The following TBCA variants were observed in gnomAD, a reference collection of about 807,000 sequenced individuals.
TBCA encodes the protein tubulin folding cofactor A.
In TBCA, 6 loss-of-function variants were observed where a neutral mutation model predicts 15.8. That is an observed-to-expected ratio of 0.38 (90% CI 0.21 to 0.75). TBCA has a LOEUF of 0.75. Ranked by LOEUF, TBCA falls within the 30% of genes least tolerant of loss-of-function variation. TBCA has a pLI of 0.46. For synonymous variants in TBCA, 32 were observed against 42.3 expected (o/e 0.76, Z 0.94); for missense variants, 90 against 131.2 (o/e 0.69, Z 1.53).
chr5:77,762,356 T>C (rs1747663003), intron 1 of TBCA, among the ~76,000 whole-genome samples: 1 of 152,202 alleles, frequency 6.6e-6, no homozygotes, highest in Admixed American at 6.5e-5. Flanking sequence ...GATTAATACG[T>C]AGAAAATGAA....
At chr5:77,763,840 A>T (rs1382220857) in intron 1 of TBCA, among the ~76,000 whole-genome samples, 1 of 152,232 alleles carries the variant, frequency 6.6e-6, no homozygotes, top group African/African-American at 2.4e-5. Flanking sequence ...CGCATCTTAC[A>T]AGATGAATAC....
chr5:77,709,478 A>G (rs1040168561), intron 1 of TBCA, among the ~76,000 whole-genome samples: 1 of 152,238 alleles, frequency 6.6e-6, no homozygotes, highest in Non-Finnish European at 1.5e-5. Context: ...AAAGAGCAGA[A>G]GAAAAAGCTT....
chr5:77,726,326 A>G (rs1329300509), intron 1 of TBCA, among the ~76,000 whole-genome samples: 1 of 152,214 alleles, frequency 6.6e-6, no homozygotes, highest in Non-Finnish European at 1.5e-5. Context: ...AGAATTATAA[A>G]TGGTCTGGAA....
At position 77,776,227 on chromosome 5, in the gene TBCA, T is replaced by A; in HGVS notation, c.31A>T (p.Ile11Phe). Residue 11 changes from isoleucine to phenylalanine, a missense_variant, in exon 1 of 4, where the codon ATC (isoleucine) becomes TTC (phenylalanine). Ile to Phe is a conservative substitution (Grantham distance 21). Transcript: ENST00000380377. MADPRVRQIK[I>F]KTGVVKRLVK... ...TACCGCTTCACCACGCCGGTCTTGA[T>A]CTTGATCTGTCTCACGCGAGGATCG... 1 of 1,576,530 alleles carries A rather than the reference T, an allele frequency of 6.3e-7. No individual in the cohort carries two copies. Among genetic ancestry groups the A allele is most frequent in the Non-Finnish European group, 8.6e-7 (1 of 1,162,134 alleles).
chr5:77,693,472 T>G (rs920055561), intron 2 of TBCA, 120 bp from the exon 3 acceptor site: 1 of 1,146,624 alleles, frequency 8.7e-7, no homozygotes, highest in African/African-American at 1.6e-5. Context: ...TTATGTTAAA[T>G]GGTTCAATAT....
At chr5:77,747,000 C>T (rs1307075048) in intron 1 of TBCA, among the ~76,000 whole-genome samples, 1 of 152,092 alleles carries the variant, frequency 6.6e-6, no homozygotes, top group Admixed American at 6.5e-5. Flanking sequence ...CAGCACTTCT[C>T]TAAAGTGCTA....
intron 1 of TBCA, among the ~76,000 whole-genome samples, chr5:77,725,787 A>G (rs535722733): frequency 6.6e-6 from 1 of 152,198 alleles, no homozygotes; most frequent in Non-Finnish European, 1.5e-5. Flanking sequence ...ATATGCTACC[A>G]TAAGTGTCTT....
intron 1 of TBCA, among the ~76,000 whole-genome samples, chr5:77,728,069 G>A (rs1042612039): frequency 6.6e-6 from 1 of 152,014 alleles, no homozygotes; most frequent in Non-Finnish European, 1.5e-5. Context: ...TAAATATTTA[G>A]TAAAAGTTAT....
intron 1 of TBCA, among the ~76,000 whole-genome samples, chr5:77,718,180 G>A (rs193107264): frequency 5.1e-4 from 77 of 152,180 alleles, no homozygotes; most frequent in African/African-American, 1.7e-3. Flanking sequence ...TAATCATGGT[G>A]GCTACTAAAG....
At chr5:77,734,104 G>C (rs1746839647) in intron 1 of TBCA, among the ~76,000 whole-genome samples, 1 of 152,184 alleles carries the variant, frequency 6.6e-6, no homozygotes, top group Admixed American at 6.5e-5. Flanking sequence ...CAGAAAAAAA[G>C]ACTCCTTTCA....
At chr5:77,727,096 T>C (rs1020248579) in intron 1 of TBCA, among the ~76,000 whole-genome samples, 1 of 151,852 alleles carries the variant, frequency 6.6e-6, no homozygotes, top group Non-Finnish European at 1.5e-5. Flanking sequence ...GCAAACTTTG[T>C]ATCAAAATGG....
intron 1 of TBCA, among the ~76,000 whole-genome samples, chr5:77,773,690 G>C (rs183515964): frequency 1.3e-5 from 2 of 152,292 alleles, no homozygotes; most frequent in East Asian, 3.9e-4. Context: ...GGGATGCTGT[G>C]CTAAAACTCA....
intron 1 of TBCA, among the ~76,000 whole-genome samples, chr5:77,757,978 G>A (rs1009281190): frequency 1.3e-5 from 2 of 152,136 alleles, no homozygotes; most frequent in African/African-American, 4.8e-5. Flanking sequence ...GAAAGAATTC[G>A]ACTGAGGGGT....
At chr5:77,767,078 TATA>T (rs1747796453) in intron 1 of TBCA, among the ~76,000 whole-genome samples, 5 of 152,230 alleles carry the variant, frequency 3.3e-5, no homozygotes, top group African/African-American at 1.2e-4. Flanking sequence ...AAATCAAAAT[TATA>T]ATACTATACT....
At chr5:77,699,538 A>C (rs543067678) in intron 2 of TBCA, among the ~76,000 whole-genome samples, 2 of 152,334 alleles carry the variant, frequency 1.3e-5, no homozygotes, top group East Asian at 3.9e-4. Context: ...GACTGGCAAA[A>C]AGATGAATCT....
chr5:77,704,594 T>TTTTCAGCA (rs1364314155), intron 2 of TBCA, among the ~76,000 whole-genome samples: 2 of 152,090 alleles, frequency 1.3e-5, no homozygotes, highest in African/African-American at 4.8e-5. Context: ...CAATAAATGT[T>TTTTCAGCA]AAGAAAACCA....
intron 1 of TBCA, among the ~76,000 whole-genome samples, chr5:77,771,567 G>A (rs1747914664): frequency 1.3e-5 from 2 of 152,116 alleles, no homozygotes; most frequent in African/African-American, 2.4e-5. Flanking sequence ...TAAAAATACT[G>A]GCCCTGAAAC....
At chr5:77,768,957 A>G (rs187082177) in intron 1 of TBCA, among the ~76,000 whole-genome samples, 1 of 152,366 alleles carries the variant, frequency 6.6e-6, no homozygotes, top group East Asian at 1.9e-4. Flanking sequence ...CAATGAAAAA[A>G]CAAAACACCC....
chr5:77,735,302 G>A (rs571169162), intron 1 of TBCA, among the ~76,000 whole-genome samples: 80 of 152,142 alleles, frequency 5.3e-4, no homozygotes, highest in African/African-American at 1.5e-3. Flanking sequence ...TATTTAATGC[G>A]AAAATCTACT....
Sources: allele counts gnomAD v4.1 joint callset (sites outside exome capture counted in the v4.1 genomes callset), GRCh38; gene constraint gnomAD v4.1.1; transcripts MANE v1.5; gene names NCBI Gene and HGNC (gene_info 2026-07-23, HGNC 2026-07-21).